CACNA2D3: variants seen among roughly 807,000 people sequenced by gnomAD.
CACNA2D3 encodes voltage-dependent calcium channel subunit alpha-2/delta-3.
A neutral mutation model predicts 160.6 loss-of-function variants in CACNA2D3; 60 were observed. The ratio of observed to expected loss-of-function variants is 0.37; its 90% CI spans 0.30 to 0.46. The LOEUF (loss-of-function observed/expected upper bound fraction) is 0.46. Ranked by LOEUF, CACNA2D3 falls within the 20% of genes least tolerant of loss-of-function variation. The probability of loss-of-function intolerance (pLI) is 1.00; values close to 1 mark genes in which losing one functional copy is unlikely to be tolerated. For missense variants in CACNA2D3, 1,205 were observed against 1,365.0 expected, an observed-to-expected ratio of 0.88 and a Z score of 1.85; for synonymous variants, 558 against 492.9, an observed-to-expected ratio of 1.13 and a Z score of -1.75.
intron 32 of CACNA2D3, among the ~76,000 whole-genome samples, chr3:55,006,837 T>C (rs896235612): frequency 6.6e-6 from 1 of 152,238 alleles, no homozygotes. Context: ...CTAGTTCTTA[T>C]AATTAAAATG....
At chr3:54,220,898 G>T (rs981819921) in intron 2 of CACNA2D3, among the ~76,000 whole-genome samples, 1 of 152,154 alleles carries the variant, frequency 6.6e-6, no homozygotes, top group East Asian at 1.9e-4. Context: ...GTGGCTTCCT[G>T]CCTTTCCTGC....
chr3:54,446,690 C>G (rs747843120), intron 4 of CACNA2D3, among the ~76,000 whole-genome samples: 1 of 152,020 alleles, frequency 6.6e-6, no homozygotes, highest in Admixed American at 6.6e-5. Flanking sequence ...TTTAAGCAAG[C>G]CTCATGATGA....
chr3:54,494,331 A>ATGGGT (rs1239945850), intron 4 of CACNA2D3, among the ~76,000 whole-genome samples: 1 of 152,204 alleles, frequency 6.6e-6, no homozygotes, highest in East Asian at 1.9e-4. Context: ...GAAGAGACAA[A>ATGGGT]TGGGTTTGGG....
chr3:54,183,429 T>C (rs1028504520), intron 2 of CACNA2D3, among the ~76,000 whole-genome samples: 3 of 152,056 alleles, frequency 2.0e-5, no homozygotes, highest in Non-Finnish European at 4.4e-5. Flanking sequence ...CATAGCTGAT[T>C]GGTGGCAGGG....
chr3:54,391,877 G>T (rs1699288547), intron 4 of CACNA2D3, among the ~76,000 whole-genome samples: 2 of 152,026 alleles, frequency 1.3e-5, no homozygotes, highest in Admixed American at 1.3e-4. Context: ...TCTTTCTGGT[G>T]GCCTGTGGGT....
chr3:54,501,805 A>G (rs1416658319), intron 4 of CACNA2D3, among the ~76,000 whole-genome samples: 1 of 152,198 alleles, frequency 6.6e-6, no homozygotes, highest in Non-Finnish European at 1.5e-5. Flanking sequence ...CAATTCTTGC[A>G]AGGCAAGTCT....
At chr3:54,275,195 C>T (rs928862127) in intron 2 of CACNA2D3, among the ~76,000 whole-genome samples, 11 of 152,154 alleles carry the variant, frequency 7.2e-5, no homozygotes, top group African/African-American at 1.9e-4. Context: ...TTCCCTCTTT[C>T]GTCTCTCATA....
intron 11 of CACNA2D3, among the ~76,000 whole-genome samples, chr3:54,710,358 T>G (rs1700932104): frequency 6.6e-6 from 1 of 152,240 alleles, no homozygotes; most frequent in Non-Finnish European, 1.5e-5. Flanking sequence ...AATGAAGATT[T>G]ATTTCTTCTC....
chr3:54,788,820 T>G (rs1189630187), intron 13 of CACNA2D3, among the ~76,000 whole-genome samples: 10 of 152,244 alleles, frequency 6.6e-5, no homozygotes, highest in Admixed American at 6.5e-4. Flanking sequence ...CATGTGAAGA[T>G]AATCATTGCA....
rs1703789830 is a variant in CACNA2D3 at position 55,035,346 on chromosome 3, G to A, written c.2987+17029G>A. ...GCAACATTGAAATGACATTACACAG[G>A]CCTGTTGAGGGAGTTGCAGAAAAAC... On this transcript the variant is annotated intron_variant, in intron 35 of 37. Transcript: ENST00000474759. Among the ~76,000 whole-genome samples, 4 of 152,148 alleles carry A rather than the reference G, an allele frequency of 2.6e-5. No individual in the cohort carries two copies. The South Asian group carries it at 8.3e-4, about 31-fold the overall frequency.
chr3:54,764,283 C>T lies in CACNA2D3; in HGVS notation c.1312C>T (p.Leu438Phe). The change falls in exon 13 of 38, where the codon CTT (leucine) becomes TTT (phenylalanine). Residue 438 changes from leucine to phenylalanine, a missense_variant. By Grantham distance (22) the Leu-to-Phe change is conservative. Coordinates refer to ENST00000474759, the MANE Select transcript of CACNA2D3 (RefSeq NM_018398.3). Reference protein sequence around the residue: ...QENVMEYLHVLSRPKVIDQEH... With the variant: ...QENVMEYLHVFSRPKVIDQEH... ...GAATGTCATGGAATACCTTCACGTG[C>T]TTAGCCGGCCCAAAGTCATCGACCA... 6.2e-7 allele frequency: 1 copy of T among 1,613,880 alleles called. No individual in the cohort carries two copies. Among genetic ancestry groups the T allele is most frequent in the Non-Finnish European group, 8.5e-7 (1 of 1,179,848 alleles).
intron 9 of CACNA2D3, among the ~76,000 whole-genome samples, chr3:54,624,984 G>A (rs1434002946): frequency 6.6e-6 from 1 of 152,208 alleles, no homozygotes; most frequent in Non-Finnish European, 1.5e-5. Context: ...CTTGGACTCG[G>A]TTAATTGCCT....
intron 4 of CACNA2D3, among the ~76,000 whole-genome samples, chr3:54,466,516 A>G (rs1335690016): frequency 6.6e-6 from 1 of 152,194 alleles, no homozygotes; most frequent in African/African-American, 2.4e-5. Flanking sequence ...ATCCGAGCCA[A>G]GTTTTTCCCC....
chr3:54,140,144 G>A (rs983870224), intron 2 of CACNA2D3, among the ~76,000 whole-genome samples: 2 of 152,202 alleles, frequency 1.3e-5, no homozygotes, highest in Non-Finnish European at 2.9e-5. Flanking sequence ...TGAATGGGCA[G>A]CAACCATTAT....
chr3:54,879,968 A>G (rs1008902599), intron 20 of CACNA2D3, among the ~76,000 whole-genome samples: 5 of 152,336 alleles, frequency 3.3e-5, no homozygotes, highest in Admixed American at 3.3e-4. Context: ...TCCCACTACT[A>G]TTAACTTAGT....
chr3:54,290,171 C>T (rs560792708), intron 2 of CACNA2D3, among the ~76,000 whole-genome samples: 1 of 152,024 alleles, frequency 6.6e-6, no homozygotes. Context: ...TGACAAAGGG[C>T]TAATATCCAG....
chr3:54,173,975 A>T lies in CACNA2D3; in HGVS notation c.204+50381A>T, dbSNP rs141636276. 4.7e-3 allele frequency among the ~76,000 whole-genome samples: 709 copies of T among 152,304 alleles called. 3 individuals carry two copies. The highest frequency in any genetic ancestry group is 0.015 in the African/African-American group (637 of 41,556). The stretch of plus-strand genomic sequence containing the variant: ...TTTGATTGCTTAACAAACTGTCCAG[A>T]TGTGTTTGATGCTAGCTAATTGGAG... On this transcript the variant is annotated intron_variant, in intron 2 of 37. Coordinates refer to ENST00000474759, the MANE Select transcript of CACNA2D3 (RefSeq NM_018398.3).
intron 27 of CACNA2D3, among the ~76,000 whole-genome samples, chr3:54,926,136 A>G (rs1378981117): frequency 2.0e-5 from 3 of 152,110 alleles, no homozygotes; most frequent in Non-Finnish European, 4.4e-5. Flanking sequence ...TCACACCATT[A>G]CTGATGTATC....
intron 11 of CACNA2D3, among the ~76,000 whole-genome samples, chr3:54,750,713 G>C (rs561725992): frequency 2.0e-5 from 3 of 152,152 alleles, no homozygotes; most frequent in Admixed American, 2.0e-4. Flanking sequence ...GTGAACGGGG[G>C]TGCAGCTATA....
Sources: allele counts gnomAD v4.1 joint callset (sites outside exome capture counted in the v4.1 genomes callset), GRCh38; gene constraint gnomAD v4.1.1; transcripts MANE v1.5; gene names NCBI Gene and HGNC (gene_info 2026-07-23, HGNC 2026-07-21).